The following ELMOD1 variants were observed in gnomAD, a reference collection of about 807,000 sequenced individuals.
The protein encoded by ELMOD1 is ELMO domain containing 1.
ELMOD1 carries 21 observed loss-of-function variants against 46.7 expected under a neutral mutation model. That is an observed-to-expected ratio of 0.45 (90% confidence interval 0.32 to 0.65). The LOEUF is 0.65. Ranked by LOEUF, ELMOD1 falls within the 30% of genes least tolerant of loss-of-function variation. ELMOD1 has a pLI of 0.04. For missense variants in ELMOD1, 348 were observed against 407.8 expected (o/e 0.85, Z 1.26); for synonymous variants, 122 against 138.2 (o/e 0.88, Z 0.82).
chr11:107,602,062 T>C (rs898885617), intron 1 of ELMOD1, among the ~76,000 whole-genome samples: 3 of 152,236 alleles, frequency 2.0e-5, no homozygotes, highest in Non-Finnish European at 2.9e-5. Context: ...ACTTGAAAGA[T>C]ACATGGAAGG....
chr11:107,645,817 A>G (rs2135704912), intron 6 of ELMOD1, among the ~76,000 whole-genome samples: 1 of 152,334 alleles, frequency 6.6e-6, no homozygotes, highest in Non-Finnish European at 1.5e-5. Flanking sequence ...AATATTGTAT[A>G]ATGTGAATAG....
At chr11:107,620,519 A>G (rs1865928905) in intron 2 of ELMOD1, 1 of 152,266 alleles carries the variant, frequency 6.6e-6, no homozygotes, top group Non-Finnish European at 1.5e-5. Context: ...GAAATGGGAT[A>G]TTGGGTATGT....
At chr11:107,638,975 C>T (rs982050991) in intron 6 of ELMOD1, among the ~76,000 whole-genome samples, 6 of 151,678 alleles carry the variant, frequency 4.0e-5, no homozygotes, top group South Asian at 4.2e-4. Context: ...AGCAAGACCC[C>T]ATCTCCACAA....
intron 1 of ELMOD1, among the ~76,000 whole-genome samples, chr11:107,609,431 C>T (rs1591105474): frequency 6.6e-6 from 1 of 152,264 alleles, no homozygotes; most frequent in East Asian, 1.9e-4. Context: ...TGAAGAGCTA[C>T]GCAGAAAGTA....
intron 5 of ELMOD1, among the ~76,000 whole-genome samples, chr11:107,633,494 G>T (rs918235903): frequency 1.2e-4 from 18 of 151,964 alleles, no homozygotes; most frequent in African/African-American, 4.4e-4. Context: ...GTGCAATGGC[G>T]CAGTCTAGGC....
intron 4 of ELMOD1, 147 bp from the exon 5 acceptor site, chr11:107,631,432 AG>A: frequency 5.3e-6 from 1 of 188,950 alleles, no homozygotes. Flanking sequence ...CAAATTTATT[AG>A]AATTCAAGTA....
At chr11:107,633,820 T>C (rs1390521989) in intron 5 of ELMOD1, among the ~76,000 whole-genome samples, 1 of 152,188 alleles carries the variant, frequency 6.6e-6, no homozygotes, top group African/African-American at 2.4e-5. Flanking sequence ...TTCTCCATAC[T>C]ACATGGACTT....
chr11:107,631,706 A>C, intron 5 of ELMOD1, 29 bp downstream of exon 5: 1 of 1,277,402 alleles, frequency 7.8e-7, no homozygotes, highest in Non-Finnish European at 1.1e-6. Flanking sequence ...TGTCAAAAAT[A>C]CAGAACACAA....
chr11:107,651,292 TATAAATG>T (rs1427027867), intron 9 of ELMOD1, among the ~76,000 whole-genome samples: 2 of 152,234 alleles, frequency 1.3e-5, no homozygotes, highest in African/African-American at 4.8e-5. Flanking sequence ...ATTTGATTGT[TATAAATG>T]ATAGTTTTGT....
intron 9 of ELMOD1, among the ~76,000 whole-genome samples, chr11:107,653,202 C>A (rs979654940): frequency 1.3e-5 from 2 of 151,940 alleles, no homozygotes; most frequent in East Asian, 3.9e-4. Context: ...GAACATGAGT[C>A]CTGCCTCCTT....
rs58707536 is a variant in ELMOD1 at position 107,601,844 on chromosome 11, G to GT, written c.-86+10444dup. Among the ~76,000 whole-genome samples, 17 of 151,246 alleles carry GT rather than the reference G, an allele frequency of 1.1e-4. No homozygotes were observed. In the East Asian group the frequency reaches 1.7e-3, roughly 15 times the overall value. ...TATGTCAAATAATCTGTCAGTTCCA[G>GT]TTTTTTTTTGAAGACATCTTTTCTT... On this transcript the variant is annotated intron_variant, in intron 1 of 11. Transcript: ENST00000265840.
At chr11:107,624,534 C>T (rs1197750621) in intron 2 of ELMOD1, among the ~76,000 whole-genome samples, 1 of 152,002 alleles carries the variant, frequency 6.6e-6, no homozygotes, top group East Asian at 1.9e-4. Flanking sequence ...ACCTGTAGTC[C>T]CAGCTACAGG....
At position 107,644,481 on chromosome 11, in the gene ELMOD1, T is replaced by G. The variant is rs192965554; in HGVS notation, c.421-2987T>G. On this transcript the variant is annotated intron_variant, in intron 6 of 11. Coordinates refer to ENST00000265840, the MANE Select transcript of ELMOD1 (RefSeq NM_018712.4). ...AAGATATATATATATATACTTTTTT[T>G]TCTTTTTTTTTGAGACAGAGTCTCG... Among the ~76,000 whole-genome samples the G allele has an allele frequency of 7.2e-5, 11 of 152,112 alleles. No homozygotes were observed. The East Asian group carries it at 2.1e-3, about 29-fold the overall frequency.
At chr11:107,659,411 G>A (rs10789630) in intron 11 of ELMOD1, among the ~76,000 whole-genome samples, 81,820 of 151,760 alleles carry the variant, frequency 0.54, 23,671 homozygotes, top group Non-Finnish European at 0.63. Flanking sequence ...TGCAGAGTGG[G>A]CATTCTCATA....
intron 6 of ELMOD1, among the ~76,000 whole-genome samples, chr11:107,646,044 T>C (rs1866421436): frequency 6.6e-6 from 1 of 152,170 alleles, no homozygotes; most frequent in South Asian, 2.1e-4. Context: ...AGTAAGGAAA[T>C]TTTACATTTG....
At chr11:107,620,210 A>G (rs928106752) in intron 2 of ELMOD1, 8 of 152,204 alleles carry the variant, frequency 5.3e-5, no homozygotes, top group African/African-American at 1.9e-4. Context: ...TTAAAAGCCC[A>G]TGCAGTGATT....
intron 1 of ELMOD1, among the ~76,000 whole-genome samples, chr11:107,606,320 G>A (rs1231768066): frequency 2.0e-5 from 3 of 152,152 alleles, no homozygotes; most frequent in East Asian, 1.9e-4. Context: ...TTGGCTCAGC[G>A]GGAACCCAGC....
At chr11:107,622,377 G>C (rs1474276541) in intron 2 of ELMOD1, among the ~76,000 whole-genome samples, 1 of 152,112 alleles carries the variant, frequency 6.6e-6, no homozygotes, top group Non-Finnish European at 1.5e-5. Flanking sequence ...AGCAGTTCTT[G>C]GTCACCTTTG....
intron 1 of ELMOD1, among the ~76,000 whole-genome samples, chr11:107,606,073 T>C (rs1865680504): frequency 6.6e-6 from 1 of 152,232 alleles, no homozygotes; most frequent in South Asian, 2.1e-4. Flanking sequence ...GCCCGTTCCT[T>C]CTCTCCTCTC....
Sources: allele counts gnomAD v4.1 joint callset (sites outside exome capture counted in the v4.1 genomes callset), GRCh38; gene constraint gnomAD v4.1.1; transcripts MANE v1.5; gene names NCBI Gene and HGNC (gene_info 2026-07-23, HGNC 2026-07-21).